The following RAP1B variants were observed in gnomAD, a reference collection of about 807,000 sequenced individuals.
RAP1B encodes the protein RAP1B, member of RAS oncogene family, also known as ras-related protein Rap-1b.
In RAP1B, 1 loss-of-function variant was observed where a neutral mutation model predicts 27.5. That is an observed-to-expected ratio of 0.04 (90% CI 0.01 to 0.17). The LOEUF (loss-of-function observed/expected upper bound fraction) is 0.17. Ranked by LOEUF, RAP1B falls within the 10% of genes least tolerant of loss-of-function variation. The pLI is 1.00. For synonymous variants in RAP1B, 75 were observed against 73.1 expected (o/e 1.03, Z -0.13); for missense variants, 84 against 214.8 (o/e 0.39, Z 3.81).
At chr12:68,625,482 G>T (rs1871691096) in intron 1 of RAP1B, among the ~76,000 whole-genome samples, 1 of 152,136 alleles carries the variant, frequency 6.6e-6, no homozygotes, top group Non-Finnish European at 1.5e-5. Flanking sequence ...TTGTTACTTG[G>T]TTAATTTTTC....
intron 1 of RAP1B, among the ~76,000 whole-genome samples, chr12:68,620,982 T>C (rs1156554738): frequency 6.6e-6 from 1 of 152,224 alleles, no homozygotes; most frequent in Non-Finnish European, 1.5e-5. Flanking sequence ...AGTTACAGTT[T>C]GTATTGTGCA....
Position 68,662,071 on chromosome 12 carries a change from A to G in RAP1B, c.*2822A>G, listed in dbSNP as rs959276963. ...ATATATAGAGAGAGTATATATATAT[A>G]TGTAGTACAGTGGAGGTCTATATAA... On this transcript the variant is annotated 3_prime_UTR_variant, in exon 8 of 8. Transcript: ENST00000250559. 40 of 147,760 alleles carry G rather than the reference A, an allele frequency of 2.7e-4. No individual in the cohort carries two copies. Among genetic ancestry groups the G allele is most frequent in the Non-Finnish European group, 4.2e-4 (28 of 67,176 alleles). 9.2% of individuals were successfully genotyped at this position (147,760 alleles called of 1,614,324 possible).
Position 68,657,222 on chromosome 12 carries a change from G to T in RAP1B, c.*30+5G>T. 6.5e-7 allele frequency: 1 copy of T among 1,543,740 alleles called. No individual in the cohort carries two copies. The highest frequency in any genetic ancestry group is 1.1e-5 in the South Asian group (1 of 88,696). On this transcript the variant is annotated splice_donor_5th_base_variant and intron_variant, in intron 7 of 7. Coordinates refer to ENST00000250559, the MANE Select transcript of RAP1B (RefSeq NM_001010942.3). ...TGCATTGTAGCTCTGAGCCAGGTAT[G>T]TTCACTTATCTTTCCTCTAACTTTT...
At chr12:68,638,915 C>T (rs1168598474) in intron 1 of RAP1B, among the ~76,000 whole-genome samples, 1 of 152,142 alleles carries the variant, frequency 6.6e-6, no homozygotes, top group Admixed American at 6.5e-5. Flanking sequence ...CCTGCCTCGG[C>T]CCCGCAAAGT....
chr12:68,619,484 C>T (rs1341819362), intron 1 of RAP1B, among the ~76,000 whole-genome samples: 2 of 152,148 alleles, frequency 1.3e-5, no homozygotes, highest in African/African-American at 4.8e-5. Context: ...TACAAAGTGT[C>T]AGCTAGACCA....
intron 4 of RAP1B, among the ~76,000 whole-genome samples, chr12:68,653,695 G>A (rs1033601391): frequency 3.9e-5 from 6 of 152,108 alleles, no homozygotes; most frequent in African/African-American, 1.2e-4. Flanking sequence ...TTGGGAGGCC[G>A]AGACGGGCAG....
At chr12:68,620,877 C>A (rs1332186310) in intron 1 of RAP1B, among the ~76,000 whole-genome samples, 1 of 152,076 alleles carries the variant, frequency 6.6e-6, no homozygotes, top group Non-Finnish European at 1.5e-5. Context: ...AGTGAGCCAC[C>A]GCACCGGTCT....
chr12:68,629,676 A>G (rs777829945), intron 1 of RAP1B, among the ~76,000 whole-genome samples: 1 of 152,094 alleles, frequency 6.6e-6, no homozygotes, highest in Non-Finnish European at 1.5e-5. Context: ...ATACTGTTTT[A>G]TCATCCTCAT....
chr12:68,650,509 TATAA>T, intron 3 of RAP1B, 41 bp downstream of exon 3: 1 of 1,342,360 alleles, frequency 7.4e-7, no homozygotes. Flanking sequence ...TTGATTTTAA[TATAA>T]ATACTTATTT....
chr12:68,626,905 C>A (rs757848904), intron 1 of RAP1B: 8 of 1,571,420 alleles, frequency 5.1e-6, no homozygotes, highest in Non-Finnish European at 6.9e-6. Flanking sequence ...TCCACAGGGC[C>A]ACGATTGGAA....
At chr12:68,647,377 T>TCC (rs1873489897) in intron 1 of RAP1B, among the ~76,000 whole-genome samples, 1 of 3,240 alleles carries the variant, frequency 3.1e-4, no homozygotes, top group Admixed American at 3.0e-3. Flanking sequence ...TGCCCCCCAC[T>TCC]CCACTCCCCG....
At chr12:68,656,495 A>G in intron 6 of RAP1B, 46 bp downstream of exon 6, 1 of 1,550,968 alleles carries the variant, frequency 6.4e-7, no homozygotes, top group South Asian at 1.1e-5. Context: ...GAAGTACAAC[A>G]TTGAAGATGA....
chr12:68,650,687 A>G, intron 3 of RAP1B: 1 of 324,092 alleles, frequency 3.1e-6, no homozygotes, highest in Non-Finnish European at 5.4e-6. Context: ...GTAATTTGAC[A>G]CATAAACTTT....
At chr12:68,650,564 GCAGAGTTAATTTATAAAA>G in intron 3 of RAP1B, 96 bp downstream of exon 3, 1 of 1,069,812 alleles carries the variant, frequency 9.3e-7, no homozygotes, top group South Asian at 2.4e-5. Context: ...AAGGATGGAG[GCAGAGTTAATTTATAAAA>G]TTAGTGGGAA....
At chr12:68,650,350 A>G (rs759010849) in intron 2 of RAP1B, 50 bp from the exon 3 acceptor site, 68 of 1,437,570 alleles carry the variant, frequency 4.7e-5, no homozygotes, top group Non-Finnish European at 6.0e-5. Flanking sequence ...TTAAAGATTG[A>G]ATGTACTCTT....
intron 1 of RAP1B, among the ~76,000 whole-genome samples, chr12:68,630,428 A>G (rs983180148): frequency 2.0e-5 from 3 of 152,070 alleles, no homozygotes; most frequent in African/African-American, 7.3e-5. Flanking sequence ...AAACAAAAAC[A>G]AAAAAACAGG....
At chr12:68,620,199 T>A (rs1213840730) in intron 1 of RAP1B, among the ~76,000 whole-genome samples, 2 of 151,308 alleles carry the variant, frequency 1.3e-5, no homozygotes, top group Admixed American at 6.6e-5. Flanking sequence ...TTTTTTATTT[T>A]TTTATTTTTT....
Position 68,670,834 on chromosome 12 carries a change from G to A in RAP1B, c.*11585G>A, listed in dbSNP as rs1875058519. 6.6e-6 allele frequency: 1 copy of A among 152,112 alleles called. No individual in the cohort carries two copies. Among genetic ancestry groups the A allele is most frequent in the Non-Finnish European group, 1.5e-5 (1 of 68,068 alleles). 9.4% of individuals were successfully genotyped at this position (152,112 alleles called of 1,614,324 possible). ...ACCTGAGGTCAGGAGTTTGAGACTA[G>A]CCTGGCCAACGTGGAGAAACCCCAT... On this transcript the variant is annotated 3_prime_UTR_variant, in exon 8 of 8. Transcript: ENST00000250559.
Position 68,611,011 on chromosome 12 carries a change from G to T in RAP1B, c.-59G>T. On this transcript the variant is annotated 5_prime_UTR_variant, in exon 1 of 8. Transcript: ENST00000250559. The stretch of plus-strand genomic sequence containing the variant: ...CGACCCGGGGGGAGCGCGGGGCGAC[G>T]CTGGCTGCAGGGACCCGGTGACAGC... 3.1e-6 allele frequency: 1 copy of T among 321,582 alleles called. No homozygotes were observed. 19.9% of individuals were successfully genotyped at this position (321,582 alleles called of 1,614,324 possible).
Sources: allele counts gnomAD v4.1 joint callset (sites outside exome capture counted in the v4.1 genomes callset), GRCh38; gene constraint gnomAD v4.1.1; transcripts MANE v1.5; gene names NCBI Gene and HGNC (gene_info 2026-07-23, HGNC 2026-07-21).